The following DACT2 variants were observed in gnomAD, a reference collection of about 807,000 sequenced individuals.
DACT2 encodes the protein dishevelled binding antagonist of beta catenin 2, also known as dapper homolog 2.
A neutral mutation model predicts 22.2 loss-of-function variants in DACT2; 20 were observed. The observed-to-expected ratio is 0.90, with a 90% CI of 0.63 to 1.31. DACT2 has a LOEUF of 1.31. Among genes scored for constraint, DACT2 ranks in the 50% most tolerant of loss-of-function variants. DACT2 has a pLI of 0.00. For synonymous variants in DACT2, 463 were observed against 479.8 expected (o/e 0.96, Z 0.46); for missense variants, 1,048 against 1,061.4 (o/e 0.99, Z 0.18).
intron 3 of DACT2, among the ~76,000 whole-genome samples, chr6:168,297,661 T>C (rs1005701791): frequency 2.0e-5 from 3 of 152,224 alleles, no homozygotes; most frequent in African/African-American, 4.8e-5. Flanking sequence ...TGGTAGTTTG[T>C]GACAGATGAA....
rs1779556775 is a variant in DACT2, at chr6:168,318,051, C to T, written c.246+1337G>A. On this transcript the variant is annotated intron_variant, in intron 1 of 3. Transcript: ENST00000366795. ...GGTCACGCAGAAGCTGCGATTGTGT[C>T]TGGTGCAAACACACAACATCTCAGC... 1.7e-5 allele frequency among the ~76,000 whole-genome samples: 2 copies of T among 119,604 alleles called. 1 individual carries two copies. The highest frequency in any genetic ancestry group is 3.9e-5 in the Non-Finnish European group (2 of 50,878). The allele number at this position is 119,604 out of a possible 152,430, so 78.5% of individuals were successfully genotyped here.
In DACT2 at chr6:168,319,659, G is replaced by T; in HGVS notation, c.-26C>A. 8.2e-7 allele frequency: 1 copy of T among 1,217,582 alleles called. No individual in the cohort carries two copies. The highest frequency in any genetic ancestry group is 3.3e-5 in the South Asian group (1 of 30,008). The allele number at this position is 1,217,582 out of a possible 1,614,324, so 75.4% of individuals were successfully genotyped here. On this transcript the variant is annotated 5_prime_UTR_variant, in exon 1 of 4. Transcript: ENST00000366795. ...CTCCCGGGCAGGGTCCCGGCCTCCC[G>T]AACCCCACGAGCGGCGCCGGAGGCC...
At chr6:168,319,305 C>T in intron 1 of DACT2, 83 bp downstream of exon 1, 1 of 1,127,884 alleles carries the variant, frequency 8.9e-7, no homozygotes, top group Non-Finnish European at 1.1e-6. Flanking sequence ...ACCCCCGTCC[C>T]ACTAACACAC....
Position 168,308,525 on chromosome 6 carries a change from A to G in DACT2, c.1232T>C (p.Leu411Pro), listed in dbSNP as rs1205529901. Residue 411 changes from leucine (L) to proline (P), a missense_variant, in exon 4 of 4, where the codon CTT (leucine) becomes CCT (proline). Physicochemically the swap from Leu to Pro is moderately conservative, Grantham distance 98. Transcript: ENST00000366795. ...GCTGCCAGACTGCTGGGGACCCTCA[A>G]GGGGCATGTATCCCTGCTGCTGGGG... ...GGPQQQGYMP[L>P]EGPQQSGSLP... is the part of the protein sequence containing the mutation. 3 of 1,551,150 alleles carry G rather than the reference A, an allele frequency of 1.9e-6. No homozygotes were observed. Among genetic ancestry groups the G allele is most frequent in the Non-Finnish European group, 2.6e-6 (3 of 1,146,922 alleles).
chr6:168,294,577 G>GTGTGTGTGTATATATATATATATATATA (rs1177617130), intron 4 of DACT2: 1 of 114,784 alleles, frequency 8.7e-6, no homozygotes, highest in African/African-American at 5.8e-5. Context: ...GTGTGTGTGT[G>GTGTGTGTGTATATATATATATATATATA]TATATATATA....
chr6:168,293,566 GC>G lies in DACT2; in HGVS notation c.*327del, dbSNP rs560152523. The G allele has an allele frequency of 4.9e-3, 1,480 of 304,980 alleles. 9 individuals are homozygous for G. The highest frequency in any genetic ancestry group is 0.016 in the Middle Eastern group (16 of 1,010). 18.9% of individuals were successfully genotyped at this position (304,980 alleles called of 1,614,324 possible). Reference sequence around the variant, plus strand: ...GGTGCTGCTGAACATGGTGCTTATGGCCCCAGCACTTGCAGTCATGCTAGAA... The same window carrying G: ...GGTGCTGCTGAACATGGTGCTTATGGCCCAGCACTTGCAGTCATGCTAGAA... On this transcript the variant is annotated 3_prime_UTR_variant, in exon 6 of 6. Transcript: ENST00000366796.
At chr6:168,294,757 C>T in intron 3 of DACT2, 1 of 892,200 alleles carries the variant, frequency 1.1e-6, no homozygotes, top group Non-Finnish European at 1.5e-6. Flanking sequence ...ACACCTGCAG[C>T]TTCAACGATT....
In DACT2 at chr6:168,307,232, CG is replaced by C; in HGVS notation, c.*199del. On this transcript the variant is annotated 3_prime_UTR_variant, in exon 4 of 4. Coordinates refer to ENST00000366795, the MANE Select transcript of DACT2 (RefSeq NM_214462.5). The surrounding 1 kb of genome is among the most constrained non-coding windows in gnomAD (Gnocchi z 5.3). ...CTGCTGGCATCTGAAACCAGAGCTCCGCATGGAAGTCTTTGCTGGGGCGGGG... is the reference window on the plus strand; with the variant it reads ...CTGCTGGCATCTGAAACCAGAGCTCCCATGGAAGTCTTTGCTGGGGCGGGG... 1 of 1,412,208 alleles carries C rather than the reference CG, an allele frequency of 7.1e-7. No individual in the cohort carries two copies. 87.5% of individuals were successfully genotyped at this position (1,412,208 alleles called of 1,614,324 possible). A position where few individuals can be genotyped will look rare whatever the true frequency, so the allele number is the denominator to read the frequency against.
Position 168,313,105 on chromosome 6 carries a change from G to A in DACT2, c.247-1821C>T, listed in dbSNP as rs543847679. Among the ~76,000 whole-genome samples the A allele has an allele frequency of 3.3e-5, 5 of 152,316 alleles. No homozygotes were observed. In the South Asian group the frequency reaches 1.0e-3, roughly 32 times the overall value. The stretch of plus-strand genomic sequence containing the variant: ...TCTGTCCTCCAGGCTGGAGTGCAGT[G>A]GCGCGAGTTCAGCTCACTGCAAGCT... On this transcript the variant is annotated intron_variant, in intron 1 of 3. Transcript: ENST00000366795.
rs184011247 is a variant in DACT2 at position 168,301,416 on chromosome 6, C to T, written c.659-6712G>A. On this transcript the variant is annotated intron_variant, in intron 3 of 5. Transcript: ENST00000366796. ...TCTGACCCACACCTGCCCAGAAAGCCGACTCCTTTTCTGCAATACACAGCC... is the reference window on the plus strand; with the variant it reads ...TCTGACCCACACCTGCCCAGAAAGCTGACTCCTTTTCTGCAATACACAGCC... Among the ~76,000 whole-genome samples, 745 of 152,360 alleles carry T rather than the reference C, an allele frequency of 4.9e-3. 2 individuals carry two copies. The highest frequency in any genetic ancestry group is 8.7e-3 in the Non-Finnish European group (589 of 68,036).
chr6:168,319,278 C>G, intron 1 of DACT2, 110 bp downstream of exon 1: 1 of 987,578 alleles, frequency 1.0e-6, no homozygotes. Context: ...AAAGGACGTC[C>G]CCTCCATCCA....
intron 1 of DACT2, among the ~76,000 whole-genome samples, chr6:168,312,893 C>T (rs1779455284): frequency 6.6e-6 from 1 of 152,102 alleles, no homozygotes; most frequent in Admixed American, 6.6e-5. Flanking sequence ...TCAGATTTTC[C>T]AAACGCAAGT....
chr6:168,313,992 C>A lies in DACT2; in HGVS notation c.247-2708G>T, dbSNP rs903268739. 3.2e-5 allele frequency among the ~76,000 whole-genome samples: 3 copies of A among 93,396 alleles called. No homozygotes were observed. The South Asian group carries it at 1.1e-3, about 36-fold the overall frequency. The allele number at this position is 93,396 out of a possible 152,430, so 61.3% of individuals were successfully genotyped here. A position where few individuals can be genotyped will look rare whatever the true frequency, so the allele number is the denominator to read the frequency against. On this transcript the variant is annotated intron_variant, in intron 1 of 3. Transcript: ENST00000366795. ...AGGACTCCACCACTCAGGATTCACG[C>A]CGCGCTTGTAACCCCGACCGCGCTT...
At chr6:168,309,447 C>T (rs1382223341) in intron 3 of DACT2, among the ~76,000 whole-genome samples, 4 of 151,972 alleles carry the variant, frequency 2.6e-5, no homozygotes, top group Non-Finnish European at 5.9e-5. Context: ...GGGCCGTTTG[C>T]GTGTAGACAC....
intron 3 of DACT2, chr6:168,298,468 T>C (rs762356493): frequency 1.3e-5 from 2 of 152,230 alleles, no homozygotes; most frequent in Admixed American, 6.5e-5. Context: ...GTACACACCT[T>C]TGGGATCCAA....
At position 168,307,918 on chromosome 6, in the gene DACT2, C is replaced by G. The variant is rs1779261116; in HGVS notation, c.1839G>C (p.Val613=). 1 of 1,545,614 alleles carries G rather than the reference C, an allele frequency of 6.5e-7. No individual in the cohort carries two copies. Among genetic ancestry groups the G allele is most frequent in the Non-Finnish European group, 8.7e-7 (1 of 1,146,778 alleles). The change falls in exon 4 of 4, where the codon GTG becomes GTC. Residue 613 remains valine, a synonymous_variant. Transcript: ENST00000366795. The surrounding 1 kb of genome is among the most constrained non-coding windows in gnomAD (Gnocchi z 5.3). ...RRKHRRWQST[V]EISARARLAS... Reference sequence around the variant, plus strand: ...CCAGGCGGGCCCGGGCCGAGATCTCCACGGTGGACTGCCAGCGGCGATGCT... The same window carrying G: ...CCAGGCGGGCCCGGGCCGAGATCTCGACGGTGGACTGCCAGCGGCGATGCT...
rs1308206751 is a variant in DACT2, at chr6:168,308,390, C to G, written c.1367G>C (p.Gly456Ala). Residue 456 changes from glycine to alanine, a missense_variant, in exon 4 of 4, where the codon GGA (glycine) becomes GCA (alanine). Transcript: ENST00000366795. ...AQQTPSAQDY[G>A]RGNIISPSRM... is the part of the protein sequence containing the mutation. ...GGATGGGGATATGATGTTGCCTCGT[C>G]CATAGTCCTGAGCTGAGGGTGTCTG... The G allele has an allele frequency of 6.4e-7, 1 of 1,551,850 alleles. No homozygotes were observed. Among genetic ancestry groups the G allele is most frequent in the Admixed American group, 2.0e-5 (1 of 51,008 alleles).
chr6:168,305,939 C>T (rs1199036501), downstream of DACT2, among the ~76,000 whole-genome samples: 1 of 152,192 alleles, frequency 6.6e-6, no homozygotes. Context: ...GTGTTTGAAT[C>T]TGTCTGCTCT....
At chr6:168,312,391 C>T (rs1289533299) in intron 1 of DACT2, among the ~76,000 whole-genome samples, 1 of 152,144 alleles carries the variant, frequency 6.6e-6, no homozygotes, top group Non-Finnish European at 1.5e-5. Context: ...GAGACAGGGT[C>T]TTGCCATGTT....
Sources: allele counts gnomAD v4.1 joint callset (sites outside exome capture counted in the v4.1 genomes callset), GRCh38; gene constraint gnomAD v4.1.1; non-coding constraint Gnocchi (gnomAD v3.1); transcripts MANE v1.5; gene names NCBI Gene and HGNC (gene_info 2026-07-23, HGNC 2026-07-21).